The following CD96 variants were observed in gnomAD, a reference collection of about 807,000 sequenced individuals.
CD96 encodes CD96 molecule, also known as T-cell surface protein tactile.
A neutral mutation model predicts 71.3 loss-of-function variants in CD96; 70 were observed. That is an observed-to-expected ratio of 0.98 (90% confidence interval 0.81 to 1.20). The LOEUF (loss-of-function observed/expected upper bound fraction) is 1.20, where lower values mean the gene tolerates loss of function less well. Ranked by LOEUF, CD96 falls within the 50% of genes most tolerant of loss-of-function variation. CD96 has a pLI of 0.00. For missense variants in CD96, 742 were observed against 677.5 expected (o/e 1.10, Z -1.06); for synonymous variants, 248 against 233.0 (o/e 1.06, Z -0.59).
At position 111,593,580 on chromosome 3, in the gene CD96, G is replaced by A. The variant is rs374062388; in HGVS notation, c.808-4540G>A. ...TGGAAGGGATGTACTGCTGCAGGCA[G>A]CTCTTTCTCCCGCTGGCATGCCTCC... On this transcript the variant is annotated intron_variant, in intron 5 of 13. Coordinates refer to ENST00000352690, the MANE Select transcript of CD96 (RefSeq NM_005816.5). 1.3e-5 allele frequency: 20 copies of A among 1,542,480 alleles called. No homozygotes were observed. The African/African-American group carries it at 2.5e-4, about 19-fold the overall frequency.
intron 8 of CD96, among the ~76,000 whole-genome samples, chr3:111,608,395 G>T (rs180735965): frequency 6.6e-6 from 1 of 152,342 alleles, no homozygotes; most frequent in Admixed American, 6.5e-5. Context: ...AAGGGGATGA[G>T]AATTAGGCTC....
intron 12 of CD96, among the ~76,000 whole-genome samples, chr3:111,647,207 A>G (rs140381432): frequency 1.3e-3 from 201 of 152,140 alleles, no homozygotes; most frequent in East Asian, 0.012. Flanking sequence ...AAATTTGCAC[A>G]TGTACCCCTG....
chr3:111,659,063 G>A (rs183526176), intron 14 of CD96, among the ~76,000 whole-genome samples: 1 of 152,286 alleles, frequency 6.6e-6, no homozygotes, highest in Admixed American at 6.5e-5. Context: ...AATTTCAGAA[G>A]TTGATATTAG....
Position 111,652,040 on chromosome 3 carries a change from A to G in CD96, c.*2234A>G, listed in dbSNP as rs1211399809. ...CCAGTCAAGTCTTCAGATAATTGCA[A>G]CTTCAGTTGATCTTTTGACCAAGAC... On this transcript the variant is annotated 3_prime_UTR_variant, in exon 14 of 14. Coordinates refer to ENST00000352690, the MANE Select transcript of CD96 (RefSeq NM_005816.5). 6.6e-6 allele frequency: 1 copy of G among 152,138 alleles called. No individual in the cohort carries two copies. The highest frequency in any genetic ancestry group is 1.5e-5 in the Non-Finnish European group (1 of 68,014). 9.4% of individuals were successfully genotyped at this position (152,138 alleles called of 1,614,324 possible).
At chr3:111,632,708 T>A (rs1449068113) in intron 10 of CD96, among the ~76,000 whole-genome samples, 1 of 152,118 alleles carries the variant, frequency 6.6e-6, no homozygotes, top group East Asian at 1.9e-4. Context: ...AGCAAAGACA[T>A]GGAATCAACC....
chr3:111,647,509 G>T, intron 12 of CD96, 34 bp from the exon 13 acceptor site: 1 of 1,605,548 alleles, frequency 6.2e-7, no homozygotes, highest in South Asian at 1.1e-5. Context: ...CAAAGTTTGG[G>T]ATTAAAGTTC....
intron 5 of CD96, among the ~76,000 whole-genome samples, chr3:111,590,497 G>T (rs1053677773): frequency 1.3e-5 from 2 of 152,190 alleles, no homozygotes; most frequent in Admixed American, 1.3e-4. Context: ...AACTTACAAA[G>T]TTTATGGCTA....
At position 111,555,137 on chromosome 3, in the gene CD96, G is replaced by A. The variant is rs538700389; in HGVS notation, c.418+9735G>A. Among the ~76,000 whole-genome samples the A allele has an allele frequency of 1.0e-4, 15 of 145,694 alleles. No individual in the cohort carries two copies. In the South Asian group the frequency reaches 3.1e-3, roughly 31 times the overall value. On this transcript the variant is annotated intron_variant, in intron 2 of 13. Transcript: ENST00000352690. ...GCTGTGTGGCCCCATTCCTTAACAG[G>A]CCACGGACAAGTACCAGTCCATGGT...
At chr3:111,663,869 C>G (rs981343159) in intron 14 of CD96, among the ~76,000 whole-genome samples, 3 of 151,966 alleles carry the variant, frequency 2.0e-5, no homozygotes, top group Non-Finnish European at 2.9e-5. Flanking sequence ...CTGCCTCAGC[C>G]TCCCGAGTAG....
chr3:111,653,223 C>T (rs74473526), downstream of CD96, among the ~76,000 whole-genome samples: 301 of 152,264 alleles, frequency 2.0e-3, 4 homozygotes, highest in Non-Finnish European at 3.3e-3. Flanking sequence ...AAAAGAAAGG[C>T]TCATGGAGCA....
At chr3:111,660,098 A>G (rs1940320537) in intron 14 of CD96, among the ~76,000 whole-genome samples, 1 of 152,232 alleles carries the variant, frequency 6.6e-6, no homozygotes, top group African/African-American at 2.4e-5. Context: ...CTCTTCACTT[A>G]TGGCATGACT....
chr3:111,622,244 C>T (rs1015557267), intron 8 of CD96, among the ~76,000 whole-genome samples: 1 of 152,108 alleles, frequency 6.6e-6, no homozygotes, highest in Non-Finnish European at 1.5e-5. Flanking sequence ...CCAGAAAGAC[C>T]AAGGTAAATG....
chr3:111,664,187 T>C (rs928545252), intron 14 of CD96, among the ~76,000 whole-genome samples: 3 of 54,568 alleles, frequency 5.5e-5, no homozygotes, highest in African/African-American at 1.8e-4. Flanking sequence ...AAATAAATTA[T>C]ACTACCAAAA....
At chr3:111,659,022 T>G (rs1259841230) in intron 14 of CD96, among the ~76,000 whole-genome samples, 2 of 152,184 alleles carry the variant, frequency 1.3e-5, no homozygotes, top group Non-Finnish European at 2.9e-5. Flanking sequence ...CCAGGGCTTC[T>G]TTTGCTTTGT....
chr3:111,610,188 T>G lies in CD96; in HGVS notation c.1180+3396T>G, dbSNP rs534705239. 5.9e-5 allele frequency among the ~76,000 whole-genome samples: 9 copies of G among 152,370 alleles called. No homozygotes were observed. In the East Asian group the frequency reaches 1.3e-3, roughly 23 times the overall value. ...TGATTTTGTATGTCAATAAAACTCA[T>G]GTTAAACCAGTGGCAGATTATGTCT... is the stretch of plus-strand genomic sequence containing the variant. On this transcript the variant is annotated intron_variant, in intron 8 of 13. Transcript: ENST00000352690.
chr3:111,632,029 G>T (rs561824876), intron 10 of CD96, among the ~76,000 whole-genome samples: 2 of 152,024 alleles, frequency 1.3e-5, no homozygotes, highest in Non-Finnish European at 2.9e-5. Flanking sequence ...TAGAAGAAAA[G>T]CTAGGCTATA....
chr3:111,583,792 C>A (rs1936579193), intron 4 of CD96, among the ~76,000 whole-genome samples: 1 of 152,174 alleles, frequency 6.6e-6, no homozygotes, highest in Non-Finnish European at 1.5e-5. Flanking sequence ...GCAAGGGGAC[C>A]CTGGGCCCAG....
chr3:111,635,941 C>A (rs1273793578), intron 10 of CD96, among the ~76,000 whole-genome samples: 1 of 152,100 alleles, frequency 6.6e-6, no homozygotes, highest in Non-Finnish European at 1.5e-5. Context: ...TAGGCCTAGT[C>A]CCAATTGTTT....
At position 111,650,479 on chromosome 3, in the gene CD96, G is replaced by A. The variant is rs951055847; in HGVS notation, c.*673G>A. The A allele has an allele frequency of 6.5e-6, 1 of 153,550 alleles. No individual in the cohort carries two copies. Among genetic ancestry groups the A allele is most frequent in the South Asian group, 2.0e-4 (1 of 4,902 alleles). 9.5% of individuals were successfully genotyped at this position (153,550 alleles called of 1,614,324 possible). ...AATTAGCCAAAAACCCAGTAGCCTA[G>A]AAGATACAAAACTCCACTGGCCTCT... On this transcript the variant is annotated 3_prime_UTR_variant, in exon 14 of 14. Coordinates refer to ENST00000352690, the MANE Select transcript of CD96 (RefSeq NM_005816.5).
Sources: allele counts gnomAD v4.1 joint callset (sites outside exome capture counted in the v4.1 genomes callset), GRCh38; gene constraint gnomAD v4.1.1; transcripts MANE v1.5; gene names NCBI Gene and HGNC (gene_info 2026-07-23, HGNC 2026-07-21).